Variants in FGD5 observed in about 807,000 individuals in gnomAD.
The protein encoded by FGD5 is FYVE, RhoGEF and PH domain containing 5, also known as FYVE, RhoGEF and PH domain-containing protein 5.
In FGD5, 28 loss-of-function variants were observed where a neutral mutation model predicts 133.4. The ratio of observed to expected loss-of-function variants is 0.21; its 90% confidence interval spans 0.16 to 0.29. The LOEUF (loss-of-function observed/expected upper bound fraction) is 0.29, where lower values mean the gene tolerates loss of function less well. Ranked by LOEUF, FGD5 falls within the 10% of genes least tolerant of loss-of-function variation. The pLI, the probability that FGD5 is intolerant of heterozygous loss-of-function variation, is 1.00. For missense variants in FGD5, 1,858 were observed against 1,895.2 expected, an observed-to-expected ratio of 0.98 and a Z score of 0.36; for synonymous variants, 810 against 776.5, an observed-to-expected ratio of 1.04 and a Z score of -0.72.
chr3:14,815,186 C>T (rs1054058045), upstream of FGD5, among the ~76,000 whole-genome samples: 1 of 152,158 alleles, frequency 6.6e-6, no homozygotes, highest in South Asian at 2.1e-4. Context: ...TGATTCCTTT[C>T]GCCTCATCTG....
intron 1 of FGD5, among the ~76,000 whole-genome samples, chr3:14,857,390 A>G (rs1193384920): frequency 2.0e-5 from 3 of 152,262 alleles, no homozygotes; most frequent in Non-Finnish European, 4.4e-5. Context: ...GCTGGCTTCA[A>G]GCGATCCTCC....
At chr3:14,891,117 CT>C (rs1408822374) in intron 4 of FGD5, among the ~76,000 whole-genome samples, 2 of 152,176 alleles carry the variant, frequency 1.3e-5, no homozygotes, top group African/African-American at 4.8e-5. Flanking sequence ...GTTTTTCTTT[CT>C]TTTCCTGGGA....
Position 14,845,010 on chromosome 3 carries a change from CCTCAG to C in FGD5, c.2526-19110_2526-19106del, listed in dbSNP as rs146497383. Among the ~76,000 whole-genome samples the C allele has an allele frequency of 8.0e-3, 1,219 of 152,248 alleles. 7 individuals are homozygous for C. Among genetic ancestry groups the C allele is most frequent in the Non-Finnish European group, 0.011 (734 of 68,020 alleles). On this transcript the variant is annotated intron_variant, in intron 1 of 19. Transcript: ENST00000285046. ...CTGGAGTAGCAGGGAAAGGTGGCCA[CCTCAG>C]CTCAGCTTCTAACTTCTGTGCCTCC...
At chr3:14,923,364 C>T in intron 16 of FGD5, 189 bp downstream of exon 16, 10 of 772,128 alleles carry the variant, frequency 1.3e-5, no homozygotes, top group East Asian at 5.7e-5. Context: ...GAAAATTGAT[C>T]GGTGTCCCCA....
intron 1 of FGD5, among the ~76,000 whole-genome samples, chr3:14,826,975 C>T (rs115658795): frequency 0.026 from 4,023 of 152,244 alleles, 80 homozygotes; most frequent in Non-Finnish European, 0.039. Flanking sequence ...TTAGCTGCCT[C>T]GTACACCAAA....
intron 1 of FGD5, among the ~76,000 whole-genome samples, chr3:14,845,764 T>C (rs1170595448): frequency 6.6e-6 from 1 of 152,256 alleles, no homozygotes; most frequent in Non-Finnish European, 1.5e-5. Flanking sequence ...CTTTGTTTTA[T>C]AGAACTTTAC....
At position 14,819,535 on chromosome 3, in the gene FGD5, G is replaced by C; in HGVS notation, c.464G>C (p.Gly155Ala). Residue 155 changes from glycine to alanine, a missense_variant, in exon 1 of 20, where the codon GGG (glycine) becomes GCG (alanine). By Grantham distance (60) the Gly-to-Ala change is moderately conservative. This residue lies in a region of FGD5 where 1,824 missense variants were observed against 1,848.9 expected (regional missense o/e 0.99). Transcript: ENST00000285046. This position sits in a 1 kb window ranked among gnomAD's most constrained non-coding sequence, Gnocchi z 4.1. ...DEGEGCADEP[G>A]TLEQVSRSEE... is the part of the protein sequence containing the mutation. ...GGGGAGGGCTGCGCTGATGAGCCAGGGACACTGGAGCAGGTGTCCAGAAGT... is the reference window on the plus strand; with the variant it reads ...GGGGAGGGCTGCGCTGATGAGCCAGCGACACTGGAGCAGGTGTCCAGAAGT... The C allele has an allele frequency of 6.4e-7, 1 of 1,551,438 alleles. No homozygotes were observed. The highest frequency in any genetic ancestry group is 8.7e-7 in the Non-Finnish European group (1 of 1,146,960).
At chr3:14,931,737 G>A (rs1255332295) in intron 18 of FGD5, 1 of 152,162 alleles carries the variant, frequency 6.6e-6, no homozygotes, top group Non-Finnish European at 1.5e-5. Flanking sequence ...CAACTTTATA[G>A]CACAGACAGT....
intron 4 of FGD5, among the ~76,000 whole-genome samples, chr3:14,890,067 C>G (rs1416700878): frequency 6.6e-6 from 1 of 152,052 alleles, no homozygotes; most frequent in Non-Finnish European, 1.5e-5. Flanking sequence ...TCATGGTTTT[C>G]AGTATATTCT....
intron 9 of FGD5, among the ~76,000 whole-genome samples, chr3:14,905,160 G>A (rs951673995): frequency 4.6e-5 from 7 of 152,174 alleles, no homozygotes; most frequent in African/African-American, 9.7e-5. Context: ...TTTCCTGGGT[G>A]TAGAAACCTG....
At chr3:14,927,157 G>A (rs142254304) in intron 18 of FGD5, among the ~76,000 whole-genome samples, 315 of 152,352 alleles carry the variant, frequency 2.1e-3, no homozygotes, top group Non-Finnish European at 2.6e-3. Flanking sequence ...AAAGCAGGCA[G>A]ACAGGGGATC....
intron 10 of FGD5, among the ~76,000 whole-genome samples, chr3:14,910,594 A>G (rs543497514): frequency 3.3e-5 from 5 of 152,262 alleles, no homozygotes; most frequent in Non-Finnish European, 5.9e-5. Flanking sequence ...GACTTTAGGG[A>G]TTATGATATT....
In FGD5 at chr3:14,905,118, T is replaced by G. The variant is rs79979590; in HGVS notation, c.3265-2522T>G. Among the ~76,000 whole-genome samples, 50 of 152,294 alleles carry G rather than the reference T, an allele frequency of 3.3e-4. No individual in the cohort carries two copies. The East Asian group carries it at 9.6e-3, about 29-fold the overall frequency. On this transcript the variant is annotated intron_variant, in intron 9 of 19. Transcript: ENST00000285046. Reference sequence around the variant, plus strand: ...CGTTCCTACCACCCATTAATTTAATTGTTCAATTTACCTTAATTTGTGGAA... The same window carrying G: ...CGTTCCTACCACCCATTAATTTAATGGTTCAATTTACCTTAATTTGTGGAA...
intron 10 of FGD5, among the ~76,000 whole-genome samples, chr3:14,909,314 C>T (rs750441577): frequency 1.3e-5 from 2 of 152,164 alleles, no homozygotes; most frequent in Non-Finnish European, 1.5e-5. Flanking sequence ...ACTTCATAGG[C>T]CACTTTATAC....
chr3:14,849,563 C>T (rs1575206682), intron 1 of FGD5, among the ~76,000 whole-genome samples: 1 of 152,204 alleles, frequency 6.6e-6, no homozygotes, highest in Non-Finnish European at 1.5e-5. Context: ...GCTTACCTCA[C>T]TAAGTGGTTG....
intron 16 of FGD5, 113 bp from the exon 17 acceptor site, chr3:14,923,895 A>G: frequency 7.4e-7 from 1 of 1,347,976 alleles, no homozygotes; most frequent in Non-Finnish European, 1.0e-6. Context: ...TTCAGGTCCC[A>G]CTTAACCCCC....
intron 4 of FGD5, among the ~76,000 whole-genome samples, chr3:14,889,859 T>C (rs1328610577): frequency 1.3e-5 from 2 of 152,052 alleles, no homozygotes; most frequent in Non-Finnish European, 2.9e-5. Flanking sequence ...TTCTTTTGCT[T>C]TTTTTTTAAA....
chr3:14,891,682 T>C (rs1421282721), intron 4 of FGD5, among the ~76,000 whole-genome samples: 1 of 152,188 alleles, frequency 6.6e-6, no homozygotes, highest in Non-Finnish European at 1.5e-5. Context: ...CAGAGCAGGC[T>C]ATCAGCAGGA....
At chr3:14,906,613 T>G (rs1283901258) in intron 9 of FGD5, among the ~76,000 whole-genome samples, 1 of 152,226 alleles carries the variant, frequency 6.6e-6, no homozygotes, top group Non-Finnish European at 1.5e-5. Flanking sequence ...AGCTTGCAAG[T>G]GAGGACAGAT....
Sources: gnomAD v4.1 joint callset for allele counts (sites outside exome capture counted in the v4.1 genomes callset) on GRCh38, gnomAD v4.1.1 for gene constraint, gnomAD v4.1.1 regional missense constraint, Gnocchi (gnomAD v3.1) non-coding constraint, MANE v1.5 for transcripts, NCBI Gene and HGNC (gene_info 2026-07-23, HGNC 2026-07-21) for gene names.